Variants in UBE2N observed in about 807,000 individuals in gnomAD.
UBE2N encodes ubiquitin-conjugating enzyme E2 N.
For missense variants in UBE2N, 60 were observed against 192.1 expected (o/e 0.31, Z 4.07); for synonymous variants, 70 against 69.2 (o/e 1.01, Z -0.06).
chr12:93,418,369 C>G (rs1452567663), intron 1 of UBE2N, among the ~76,000 whole-genome samples: 1 of 151,844 alleles, frequency 6.6e-6, no homozygotes, highest in East Asian at 1.9e-4. Context: ...CTCTTAAAAA[C>G]AAAACAAAAC....
intron 1 of UBE2N, among the ~76,000 whole-genome samples, chr12:93,439,475 T>C (rs1437896809): frequency 1.3e-5 from 2 of 151,956 alleles, no homozygotes; most frequent in African/African-American, 4.8e-5. Flanking sequence ...GAGACGAGTC[T>C]CAAGAAAAGA....
chr12:93,420,945 T>C (rs1034113675), intron 1 of UBE2N, among the ~76,000 whole-genome samples: 1 of 152,148 alleles, frequency 6.6e-6, no homozygotes, highest in Non-Finnish European at 1.5e-5. Flanking sequence ...CACATGCAAT[T>C]ATCAAGCACT....
intron 1 of UBE2N, among the ~76,000 whole-genome samples, chr12:93,428,385 C>T (rs1012065301): frequency 6.0e-4 from 91 of 152,226 alleles, no homozygotes; most frequent in South Asian, 2.1e-4. Context: ...TCTGGTATGT[C>T]GACATTCTAC....
Position 93,441,839 on chromosome 12 carries a change from C to G in UBE2N, c.30+16G>C. ...GAGAGCAGAGCGAAGAGCTGGAGGC[C>G]GGCCTGGGCGGTTACCTTGATGATC... On this transcript the variant is annotated intron_variant, in intron 1 of 3. Transcript: ENST00000318066. The G allele has an allele frequency of 6.3e-6, 10 of 1,578,494 alleles. No individual in the cohort carries two copies. The highest frequency in any genetic ancestry group is 8.6e-6 in the Non-Finnish European group (10 of 1,165,114).
At chr12:93,426,374 T>C (rs940266628) in intron 1 of UBE2N, among the ~76,000 whole-genome samples, 6 of 141,024 alleles carry the variant, frequency 4.3e-5, no homozygotes, top group South Asian at 2.2e-4. Flanking sequence ...GCAATGTTAT[T>C]ATGTGAAACT....
intron 1 of UBE2N, among the ~76,000 whole-genome samples, chr12:93,431,766 ATAAT>A (rs753988688): frequency 2.0e-5 from 3 of 152,204 alleles, no homozygotes; most frequent in African/African-American, 7.2e-5. Flanking sequence ...TTAAACAGTA[ATAAT>A]TATTTTTGAT....
chr12:93,426,008 T>C (rs1164086935), intron 1 of UBE2N, among the ~76,000 whole-genome samples: 1 of 152,218 alleles, frequency 6.6e-6, no homozygotes, highest in East Asian at 1.9e-4. Context: ...AACAGCTTGG[T>C]TAGGGACTTT....
At chr12:93,427,505 G>A (rs1176486854) in intron 1 of UBE2N, among the ~76,000 whole-genome samples, 1 of 152,146 alleles carries the variant, frequency 6.6e-6, no homozygotes, top group Non-Finnish European at 1.5e-5. Flanking sequence ...GAAAGAAAAG[G>A]CCACATATTG....
At chr12:93,412,823 T>C (rs1052367223) in intron 1 of UBE2N, among the ~76,000 whole-genome samples, 7 of 152,244 alleles carry the variant, frequency 4.6e-5, no homozygotes, top group African/African-American at 7.2e-5. Flanking sequence ...TATGACCTAA[T>C]GCTTGCTTGG....
chr12:93,418,620 G>C (rs1878298214), intron 1 of UBE2N, among the ~76,000 whole-genome samples: 2 of 151,854 alleles, frequency 1.3e-5, no homozygotes, highest in South Asian at 4.1e-4. Context: ...AGGCCACCTA[G>C]AGATACACTA....
intron 1 of UBE2N, 66 bp downstream of exon 1, chr12:93,441,789 G>A (rs1879123404): frequency 1.3e-6 from 2 of 1,562,962 alleles, no homozygotes; most frequent in South Asian, 1.2e-5. Context: ...GCGAGAGGCC[G>A]CGCTGCCTGC....
intron 1 of UBE2N, among the ~76,000 whole-genome samples, chr12:93,429,810 TTA>T (rs1209395127): frequency 2.2e-4 from 34 of 152,130 alleles, no homozygotes; most frequent in Non-Finnish European, 8.8e-5. Flanking sequence ...AGAAAAAAGC[TTA>T]TAGGATATAA....
At chr12:93,430,022 T>C (rs1255002225) in intron 1 of UBE2N, among the ~76,000 whole-genome samples, 1 of 152,228 alleles carries the variant, frequency 6.6e-6, no homozygotes, top group Non-Finnish European at 1.5e-5. Flanking sequence ...TAGTGTACAG[T>C]AATGTCCTAG....
At chr12:93,426,991 C>T (rs1167092631) in intron 1 of UBE2N, among the ~76,000 whole-genome samples, 1 of 151,954 alleles carries the variant, frequency 6.6e-6, no homozygotes, top group African/African-American at 2.4e-5. Context: ...ACGATCTCGG[C>T]TCACTGCAGC....
Position 93,409,110 on chromosome 12 carries a change from G to GT in UBE2N, c.*928dup, listed in dbSNP as rs1877955056. 6.6e-6 allele frequency: 1 copy of GT among 152,526 alleles called. No individual in the cohort carries two copies. The highest frequency in any genetic ancestry group is 2.1e-4 in the South Asian group (1 of 4,822). 9.4% of individuals were successfully genotyped at this position (152,526 alleles called of 1,614,324 possible). A position where few individuals can be genotyped will look rare whatever the true frequency, so the allele number is the denominator to read the frequency against. ...CACATTTATTTCAAATTCCTAGAAG[G>GT]TTAAAAAAAGGTCAGATACTGATGC... On this transcript the variant is annotated 3_prime_UTR_variant, in exon 4 of 4. Transcript: ENST00000318066.
chr12:93,413,481 C>A (rs1413225658), intron 1 of UBE2N, among the ~76,000 whole-genome samples: 2 of 152,052 alleles, frequency 1.3e-5, no homozygotes, highest in African/African-American at 4.8e-5. Context: ...CTCCCCTCAT[C>A]GTGCCTCTTG....
At chr12:93,429,956 C>T (rs1216715449) in intron 1 of UBE2N, among the ~76,000 whole-genome samples, 2 of 151,940 alleles carry the variant, frequency 1.3e-5, no homozygotes, top group Non-Finnish European at 2.9e-5. Flanking sequence ...ATTGAAGAAA[C>T]ATTTTAAAAA....
intron 1 of UBE2N, among the ~76,000 whole-genome samples, chr12:93,427,962 CTAGAG>C (rs1878645389): frequency 6.6e-6 from 1 of 152,188 alleles, no homozygotes; most frequent in African/African-American, 2.4e-5. Flanking sequence ...GTCGCCCAGG[CTAGAG>C]TATAGTGACA....
At chr12:93,420,347 G>T (rs1359574223) in intron 1 of UBE2N, among the ~76,000 whole-genome samples, 1 of 152,094 alleles carries the variant, frequency 6.6e-6, no homozygotes, top group Non-Finnish European at 1.5e-5. Flanking sequence ...CAATATTTCT[G>T]TGAAGCTCAG....
Sources: gnomAD v4.1 joint callset for allele counts (sites outside exome capture counted in the v4.1 genomes callset) on GRCh38, gnomAD v4.1.1 for gene constraint, MANE v1.5 for transcripts, NCBI Gene and HGNC (gene_info 2026-07-23, HGNC 2026-07-21) for gene names.